Variants in CNTN6 observed in about 807,000 individuals in gnomAD.
CNTN6 encodes contactin-6.
In CNTN6, 137 loss-of-function variants were observed where a neutral mutation model predicts 122.8. The ratio of observed to expected loss-of-function variants is 1.12; its 90% CI spans 0.97 to 1.29. The LOEUF (loss-of-function observed/expected upper bound fraction) is 1.29. Among genes scored for constraint, CNTN6 ranks in the 50% most tolerant of loss-of-function variants. CNTN6 has a pLI of 0.00. For missense variants in CNTN6, 1,634 were observed against 1,223.4 expected (o/e 1.34, Z -5.01); for synonymous variants, 570 against 426.0 (o/e 1.34, Z -4.16).
chr3:1,359,264 C>T (rs538554232), intron 12 of CNTN6, among the ~76,000 whole-genome samples: 2 of 152,206 alleles, frequency 1.3e-5, no homozygotes, highest in African/African-American at 4.8e-5. Flanking sequence ...ACAGAATCTA[C>T]AGAGCATGTT....
chr3:1,134,069 A>G (rs2125110819), intron 1 of CNTN6, among the ~76,000 whole-genome samples: 1 of 152,262 alleles, frequency 6.6e-6, no homozygotes, highest in Non-Finnish European at 1.5e-5. Context: ...TGCTTCCTGT[A>G]AATAATATGG....
intron 20 of CNTN6, among the ~76,000 whole-genome samples, chr3:1,388,356 C>A (rs1392198086): frequency 1.4e-5 from 2 of 147,990 alleles, no homozygotes; most frequent in African/African-American, 4.9e-5. Flanking sequence ...AGGGTCCTGT[C>A]TGTTAGAAGG....
rs1265792853 is a variant in CNTN6 at position 1,175,217 on chromosome 3, T to C, written c.55+27154T>C. Among the ~76,000 whole-genome samples, 4 of 122,334 alleles carry C rather than the reference T, an allele frequency of 3.3e-5. No homozygotes were observed. The Admixed American group carries it at 3.7e-4, about 11-fold the overall frequency. 80.3% of individuals were successfully genotyped at this position (122,334 alleles called of 152,430 possible). Reference sequence around the variant, plus strand: ...CAGCCTGGGCAAGAGAGTGAGACTTTGTCTCAAAAAAAAAAAAAAAAAAAA... The same window carrying C: ...CAGCCTGGGCAAGAGAGTGAGACTTCGTCTCAAAAAAAAAAAAAAAAAAAA... On this transcript the variant is annotated intron_variant, in intron 2 of 22. Coordinates refer to ENST00000446702, the MANE Select transcript of CNTN6 (RefSeq NM_001289080.2).
intron 11 of CNTN6, 85 bp from the exon 12 acceptor site, chr3:1,352,239 G>C (rs1705752286): frequency 1.1e-5 from 14 of 1,239,070 alleles, no homozygotes; most frequent in Admixed American, 2.8e-5. Context: ...CATGATTTTA[G>C]TAAAGTTTTA....
intron 1 of CNTN6, among the ~76,000 whole-genome samples, chr3:1,130,090 C>T (rs548517416): frequency 7.2e-5 from 11 of 151,866 alleles, no homozygotes; most frequent in South Asian, 2.1e-4. Context: ...ATGAAAAAGC[C>T]GATTGCAAAA....
intron 9 of CNTN6, among the ~76,000 whole-genome samples, chr3:1,326,863 G>C (rs1701613372): frequency 6.6e-6 from 1 of 151,750 alleles, no homozygotes; most frequent in African/African-American, 2.4e-5. Flanking sequence ...GAAATATTTA[G>C]TCTTAAGTTA....
At chr3:1,139,078 C>T (rs189779362) in intron 1 of CNTN6, among the ~76,000 whole-genome samples, 86 of 152,206 alleles carry the variant, frequency 5.7e-4, no homozygotes, top group African/African-American at 2.0e-3. Context: ...TATTCTTCAC[C>T]TGTTTTTTGC....
intron 4 of CNTN6, among the ~76,000 whole-genome samples, chr3:1,249,914 T>TC (rs398071752): frequency 6.6e-6 from 1 of 151,818 alleles, no homozygotes; most frequent in African/African-American, 2.4e-5. Flanking sequence ...TGAAAGGCTC[T>TC]GTTTTTGTGT....
At chr3:1,334,556 A>T (rs1702777169) in intron 11 of CNTN6, among the ~76,000 whole-genome samples, 1 of 152,092 alleles carries the variant, frequency 6.6e-6, no homozygotes, top group Non-Finnish European at 1.5e-5. Flanking sequence ...GTTCTATCTT[A>T]GTTATAACTT....
intron 1 of CNTN6, among the ~76,000 whole-genome samples, chr3:1,123,721 G>A (rs1410817949): frequency 6.6e-6 from 1 of 152,050 alleles, no homozygotes; most frequent in African/African-American, 2.4e-5. Context: ...CCAGTACAGT[G>A]TTGAACAGCA....
At chr3:1,389,090 C>A (rs919806987) in intron 20 of CNTN6, among the ~76,000 whole-genome samples, 3 of 145,168 alleles carry the variant, frequency 2.1e-5, no homozygotes, top group African/African-American at 7.5e-5. Flanking sequence ...TCGAGAAGAG[C>A]AACTCCAAGA....
At chr3:1,190,466 T>A (rs1471491464) in intron 2 of CNTN6, among the ~76,000 whole-genome samples, 1 of 152,204 alleles carries the variant, frequency 6.6e-6, no homozygotes, top group Non-Finnish European at 1.5e-5. Flanking sequence ...TGTATCATCG[T>A]TTTAGGCTTG....
chr3:1,231,073 GCTTCTTCA>G (rs2094346894), intron 4 of CNTN6, among the ~76,000 whole-genome samples: 1 of 152,230 alleles, frequency 6.6e-6, no homozygotes, highest in South Asian at 2.1e-4. Flanking sequence ...ACCTTAATTA[GCTTCTTCA>G]CTTGCTGTTT....
chr3:1,290,320 C>T (rs186175790), intron 5 of CNTN6, among the ~76,000 whole-genome samples: 3 of 152,220 alleles, frequency 2.0e-5, no homozygotes, highest in African/African-American at 4.8e-5. Flanking sequence ...AGAAATTGGA[C>T]GCAGGACAGG....
chr3:1,273,377 C>G (rs900453632), intron 4 of CNTN6, among the ~76,000 whole-genome samples: 1 of 152,172 alleles, frequency 6.6e-6, no homozygotes, highest in South Asian at 2.1e-4. Context: ...TCTCTGGCCT[C>G]TCCTTGTAGA....
intron 4 of CNTN6, among the ~76,000 whole-genome samples, chr3:1,256,725 T>C (rs1039376302): frequency 1.3e-5 from 2 of 152,178 alleles, no homozygotes; most frequent in African/African-American, 4.8e-5. Flanking sequence ...TATAAATAGA[T>C]ATGTTCATGG....
At chr3:1,243,520 T>A (rs1396403687) in intron 4 of CNTN6, among the ~76,000 whole-genome samples, 1 of 151,958 alleles carries the variant, frequency 6.6e-6, no homozygotes, top group Non-Finnish European at 1.5e-5. Context: ...AAAATGTATT[T>A]TGAGAATAAG....
intron 4 of CNTN6, among the ~76,000 whole-genome samples, chr3:1,276,705 A>G (rs1372418665): frequency 2.6e-5 from 4 of 152,188 alleles, no homozygotes; most frequent in Admixed American, 6.5e-5. Context: ...CTGTCAGATC[A>G]GTGCTCTCTT....
At chr3:1,210,400 GAAGGA>G (rs1191376442) in intron 2 of CNTN6, among the ~76,000 whole-genome samples, 5 of 147,872 alleles carry the variant, frequency 3.4e-5, no homozygotes, top group African/African-American at 1.3e-4. Flanking sequence ...GAAGGGAAGG[GAAGGA>G]AAGGGAAGGA....
Sources: gnomAD v4.1 joint callset for allele counts (sites outside exome capture counted in the v4.1 genomes callset) on GRCh38, gnomAD v4.1.1 for gene constraint, MANE v1.5 for transcripts, NCBI Gene and HGNC (gene_info 2026-07-23, HGNC 2026-07-21) for gene names.